Variants in RFTN1 observed in about 807,000 individuals in gnomAD.
The protein encoded by RFTN1 is raftlin.
A neutral mutation model predicts 46.5 loss-of-function variants in RFTN1; 26 were observed. The observed-to-expected ratio is 0.56, with a 90% CI of 0.41 to 0.78. RFTN1 has a LOEUF of 0.78. Ranked by LOEUF, RFTN1 falls within the 30% of genes least tolerant of loss-of-function variation. The pLI, the probability that RFTN1 is intolerant of heterozygous loss-of-function variation, is 0.00. For missense variants in RFTN1, 693 were observed against 718.7 expected, an observed-to-expected ratio of 0.96 and a Z score of 0.41; for synonymous variants, 261 against 284.2, an observed-to-expected ratio of 0.92 and a Z score of 0.82.
chr3:16,332,510 G>C (rs145278180), intron 7 of RFTN1, among the ~76,000 whole-genome samples: 2 of 150,928 alleles, frequency 1.3e-5, no homozygotes, highest in Non-Finnish European at 2.9e-5. Flanking sequence ...TTATCTCCAC[G>C]GTTCCCAGGT....
intron 7 of RFTN1, among the ~76,000 whole-genome samples, chr3:16,355,571 T>A (rs1452293592): frequency 6.6e-6 from 1 of 152,250 alleles, no homozygotes; most frequent in Non-Finnish European, 1.5e-5. Flanking sequence ...TGCAGCCTCA[T>A]CACTCCTGGG....
chr3:16,458,482 C>A lies in RFTN1; in HGVS notation c.146-24445G>T, dbSNP rs1033358976. ...TTTTTCCTTTCACTTGTCATTAATT[C>A]TGTTCATCTGCAAGAAGCCCATCTA... is the stretch of plus-strand genomic sequence containing the variant. On this transcript the variant is annotated intron_variant, in intron 2 of 9. Coordinates refer to ENST00000334133, the MANE Select transcript of RFTN1 (RefSeq NM_015150.2). The surrounding 1 kb of genome is among the most constrained non-coding windows in gnomAD (Gnocchi z 5.1). 6.6e-6 allele frequency among the ~76,000 whole-genome samples: 1 copy of A among 152,210 alleles called. No homozygotes were observed. Among genetic ancestry groups the A allele is most frequent in the Non-Finnish European group, 1.5e-5 (1 of 68,030 alleles).
At chr3:16,441,299 T>TAAAAAAAAAAAAAAAAAAAAA (rs59877269) in intron 2 of RFTN1, among the ~76,000 whole-genome samples, 1 of 47,554 alleles carries the variant, frequency 2.1e-5, no homozygotes, top group African/African-American at 6.6e-5. Flanking sequence ...TTCCAAGAAC[T>TAAAAAAAAAAAAAAAAAAAAA]AAAAAAAAAA....
At chr3:16,318,115 G>T (rs1273522829) in intron 9 of RFTN1, among the ~76,000 whole-genome samples, 1 of 152,114 alleles carries the variant, frequency 6.6e-6, no homozygotes, top group Admixed American at 6.6e-5. Flanking sequence ...CAGTAATAGA[G>T]TTGGGCAACA....
rs1408272306 is a variant in RFTN1, at chr3:16,457,943, C to G, written c.146-23906G>C. ...CACAGACAGAGTTTGGTCCTTTTTG[C>G]CTTCTGCCTTCCACCATGTGAGGAC... On this transcript the variant is annotated intron_variant, in intron 2 of 9. Coordinates refer to ENST00000334133, the MANE Select transcript of RFTN1 (RefSeq NM_015150.2). This position sits in a 1 kb window ranked among gnomAD's most constrained non-coding sequence, Gnocchi z 4.2. 2.0e-5 allele frequency among the ~76,000 whole-genome samples: 3 copies of G among 152,008 alleles called. No individual in the cohort carries two copies. The highest frequency in any genetic ancestry group is 4.8e-5 in the African/African-American group (2 of 41,404).
rs2074790842 is a variant in RFTN1 at position 16,404,350 on chromosome 3, TA to T, written c.441+5024del. Among the ~76,000 whole-genome samples, 4 of 39,014 alleles carry T rather than the reference TA, an allele frequency of 1.0e-4. 1 individual carries two copies. The highest frequency in any genetic ancestry group is 1.0e-4 in the Non-Finnish European group (2 of 20,012). The allele number at this position is 39,014 out of a possible 152,430, so 25.6% of individuals were successfully genotyped here. A position where few individuals can be genotyped will look rare whatever the true frequency, so the allele number is the denominator to read the frequency against. On this transcript the variant is annotated intron_variant, in intron 4 of 9. Coordinates refer to ENST00000334133, the MANE Select transcript of RFTN1 (RefSeq NM_015150.2). ...TATAATATATAATATATATAATATA[TA>T]ATATATATACACAATATATAATATA...
In RFTN1 at chr3:16,342,667, G is replaced by A. The variant is rs2071393201; in HGVS notation, c.1146+15265C>T. On this transcript the variant is annotated intron_variant, in intron 7 of 9. Transcript: ENST00000334133. The surrounding 1 kb of genome is among the most constrained non-coding windows in gnomAD (Gnocchi z 4.0). Reference sequence around the variant, plus strand: ...AAGCAGAGGCCTCTTGGCCTCACTAGACTAGTTCTCAAGCCTTCTTAAGTC... The same window carrying A: ...AAGCAGAGGCCTCTTGGCCTCACTAAACTAGTTCTCAAGCCTTCTTAAGTC... Among the ~76,000 whole-genome samples the A allele has an allele frequency of 6.6e-6, 1 of 152,180 alleles. No individual in the cohort carries two copies. The highest frequency in any genetic ancestry group is 2.1e-4 in the South Asian group (1 of 4,828).
chr3:16,497,110 G>A (rs570703241), intron 1 of RFTN1, among the ~76,000 whole-genome samples: 56 of 152,264 alleles, frequency 3.7e-4, no homozygotes, highest in African/African-American at 1.3e-3. Flanking sequence ...GGCTTCTAGG[G>A]TACCAGCTTT....
At chr3:16,414,572 C>A (rs2075038778) in intron 3 of RFTN1, among the ~76,000 whole-genome samples, 1 of 150,528 alleles carries the variant, frequency 6.6e-6, no homozygotes, top group African/African-American at 2.4e-5. Context: ...CCACTGCACT[C>A]CAGCCTGAGC....
chr3:16,445,676 G>C (rs757555357), intron 2 of RFTN1, among the ~76,000 whole-genome samples: 2 of 151,852 alleles, frequency 1.3e-5, no homozygotes, highest in East Asian at 1.9e-4. Context: ...TAAGTAAGAA[G>C]TTTTTTATAT....
rs1412205909 is a variant in RFTN1, at chr3:16,427,002, A to T, written c.332+6849T>A. Among the ~76,000 whole-genome samples the T allele has an allele frequency of 6.6e-6, 1 of 152,198 alleles. No homozygotes were observed. The highest frequency in any genetic ancestry group is 6.5e-5 in the Admixed American group (1 of 15,280). ...AAACACAATAACAGGAGAGACTGAG[A>T]TTCCAGCAATTGCTGTGTGTCGAAG... On this transcript the variant is annotated intron_variant, in intron 3 of 9. Coordinates refer to ENST00000334133, the MANE Select transcript of RFTN1 (RefSeq NM_015150.2). This position sits in a 1 kb window ranked among gnomAD's most constrained non-coding sequence, Gnocchi z 5.4.
Position 16,341,955 on chromosome 3 carries a change from T to C in RFTN1, c.1147-15079A>G, listed in dbSNP as rs2071344986. Among the ~76,000 whole-genome samples the C allele has an allele frequency of 6.6e-6, 1 of 152,226 alleles. No individual in the cohort carries two copies. The highest frequency in any genetic ancestry group is 2.1e-4 in the South Asian group (1 of 4,834). Reference sequence around the variant, plus strand: ...AGCTACCTTCTAGTGATGCTGAAAGTTGGGGTTTACTTTGCTTTCTTTTCT... The same window carrying C: ...AGCTACCTTCTAGTGATGCTGAAAGCTGGGGTTTACTTTGCTTTCTTTTCT... On this transcript the variant is annotated intron_variant, in intron 7 of 9. Coordinates refer to ENST00000334133, the MANE Select transcript of RFTN1 (RefSeq NM_015150.2). The surrounding 1 kb of genome is among the most constrained non-coding windows in gnomAD (Gnocchi z 4.7).
chr3:16,342,177 G>A lies in RFTN1; in HGVS notation c.1147-15301C>T, dbSNP rs1464311049. 6.6e-6 allele frequency among the ~76,000 whole-genome samples: 1 copy of A among 151,714 alleles called. No individual in the cohort carries two copies. The highest frequency in any genetic ancestry group is 1.5e-5 in the Non-Finnish European group (1 of 67,960). ...TCATCACCCCCCACACCAATACCCT[G>A]TACCTATTAGCAGTCACTCCCCTTT... On this transcript the variant is annotated intron_variant, in intron 7 of 9. Transcript: ENST00000334133. The surrounding 1 kb of genome is among the most constrained non-coding windows in gnomAD (Gnocchi z 4.0).
intron 4 of RFTN1, among the ~76,000 whole-genome samples, chr3:16,379,199 T>C (rs2073894894): frequency 6.6e-6 from 1 of 152,206 alleles, no homozygotes; most frequent in Non-Finnish European, 1.5e-5. Flanking sequence ...CACAGAGGTA[T>C]TCTCTCTAAA....
chr3:16,364,293 G>A (rs1343743976), intron 6 of RFTN1, among the ~76,000 whole-genome samples: 1 of 152,216 alleles, frequency 6.6e-6, no homozygotes, highest in Admixed American at 6.5e-5. Flanking sequence ...CCAAAATTCT[G>A]TAAGAGCTGT....
chr3:16,482,697 C>G, intron 2 of RFTN1: 1 of 1,342,788 alleles, frequency 7.4e-7, no homozygotes, highest in Non-Finnish European at 1.0e-6. Context: ...ATGCATGCCA[C>G]ATTAGCTGTT....
At chr3:16,404,118 TAC>T (rs1169491650) in intron 4 of RFTN1, among the ~76,000 whole-genome samples, 18 of 25,424 alleles carry the variant, frequency 7.1e-4, no homozygotes, top group African/African-American at 1.6e-3. Context: ...ATATATAATA[TAC>T]ATTTTATATA....
rs1054227757 is a variant in RFTN1, at chr3:16,381,711, C to A, written c.442-3609G>T. Among the ~76,000 whole-genome samples the A allele has an allele frequency of 6.6e-6, 1 of 152,112 alleles. No homozygotes were observed. Among genetic ancestry groups the A allele is most frequent in the Non-Finnish European group, 1.5e-5 (1 of 68,030 alleles). On this transcript the variant is annotated intron_variant, in intron 4 of 9. Transcript: ENST00000334133. The surrounding 1 kb of genome is among the most constrained non-coding windows in gnomAD (Gnocchi z 4.2). Reference sequence around the variant, plus strand: ...AGGATCATGATGGGCAAAAGCGTGACAGTATGCAACAGCCTGGTGTGTTGA... The same window carrying A: ...AGGATCATGATGGGCAAAAGCGTGAAAGTATGCAACAGCCTGGTGTGTTGA...
intron 6 of RFTN1, among the ~76,000 whole-genome samples, chr3:16,368,749 T>A (rs1277964862): frequency 6.6e-6 from 1 of 152,042 alleles, no homozygotes; most frequent in Non-Finnish European, 1.5e-5. Context: ...CACTAGCCAC[T>A]AGCCACATAT....
Sources: allele counts gnomAD v4.1 joint callset (sites outside exome capture counted in the v4.1 genomes callset), GRCh38; gene constraint gnomAD v4.1.1; non-coding constraint Gnocchi (gnomAD v3.1); transcripts MANE v1.5; gene names NCBI Gene and HGNC (gene_info 2026-07-23, HGNC 2026-07-21).